Variants in SCD5 observed in about 807,000 individuals in gnomAD.
SCD5 encodes the protein stearoyl-CoA desaturase 5.
In SCD5, 20 loss-of-function variants were observed where a neutral mutation model predicts 30.4. The observed-to-expected ratio is 0.66, with a 90% CI of 0.46 to 0.96. SCD5 has a LOEUF of 0.96. SCD5 is among the 40% of genes least tolerant of loss of function. SCD5 has a pLI of 0.00. For synonymous variants in SCD5, 173 were observed against 176.4 expected, an observed-to-expected ratio of 0.98 and a Z score of 0.16; for missense variants, 381 against 443.3, an observed-to-expected ratio of 0.86 and a Z score of 1.26.
chr4:82,749,190 G>A (rs1721050937), intron 1 of SCD5, among the ~76,000 whole-genome samples: 2 of 152,218 alleles, frequency 1.3e-5, no homozygotes, highest in African/African-American at 2.4e-5. Context: ...ATGACAAGGG[G>A]CTCTGGATAG....
At chr4:82,690,600 C>T (rs545079133) in intron 2 of SCD5, among the ~76,000 whole-genome samples, 1 of 152,300 alleles carries the variant, frequency 6.6e-6, no homozygotes, top group Admixed American at 6.5e-5. Flanking sequence ...CTCCACAATA[C>T]ATTCGGCATA....
chr4:82,780,039 G>A (rs1053851478), intron 1 of SCD5, among the ~76,000 whole-genome samples: 1 of 152,182 alleles, frequency 6.6e-6, no homozygotes, highest in Non-Finnish European at 1.5e-5. Flanking sequence ...ACTTCATAGA[G>A]TTACTATGTG....
intron 2 of SCD5, among the ~76,000 whole-genome samples, chr4:82,695,551 A>G (rs1219110222): frequency 1.3e-5 from 2 of 152,206 alleles, no homozygotes; most frequent in Non-Finnish European, 1.5e-5. Context: ...GGAGAAGAAC[A>G]GAAGAACAGT....
chr4:82,794,027 C>A (rs1309762791), intron 1 of SCD5, among the ~76,000 whole-genome samples: 3 of 152,188 alleles, frequency 2.0e-5, no homozygotes, highest in Non-Finnish European at 4.4e-5. Context: ...CATCTTTGGG[C>A]AAATTTCAGA....
intron 1 of SCD5, among the ~76,000 whole-genome samples, chr4:82,787,794 T>C (rs1045246935): frequency 6.6e-6 from 1 of 152,160 alleles, no homozygotes; most frequent in Non-Finnish European, 1.5e-5. Flanking sequence ...TTTGGGAGGC[T>C]GAAGTGGAAG....
chr4:82,729,265 G>C (rs1720575256), intron 1 of SCD5, among the ~76,000 whole-genome samples: 1 of 152,198 alleles, frequency 6.6e-6, no homozygotes, highest in Non-Finnish European at 1.5e-5. Context: ...GGGATGGAAG[G>C]GTCGGGAAGG....
intron 1 of SCD5, among the ~76,000 whole-genome samples, chr4:82,777,677 A>G (rs1721772772): frequency 6.6e-6 from 1 of 152,206 alleles, no homozygotes; most frequent in African/African-American, 2.4e-5. Context: ...TAAATTATGT[A>G]GCTGGTCCTG....
rs1727445716 is a variant in SCD5 at position 82,636,932 on chromosome 4, A to C, written c.570-109T>G. ...AAAAGCCCAGGGAGAGAACTGTGCC[A>C]GTCAGCTCCTTCAACGCTTTCTATA... On this transcript the variant is annotated intron_variant, in intron 3 of 4. Coordinates refer to ENST00000319540, the MANE Select transcript of SCD5 (RefSeq NM_001037582.3). 3.8e-5 allele frequency: 34 copies of C among 885,134 alleles called. No homozygotes were observed. The South Asian group carries it at 5.2e-4, about 14-fold the overall frequency. 54.8% of individuals were successfully genotyped at this position (885,134 alleles called of 1,614,324 possible).
At chr4:82,692,958 G>C (rs1719594858) in intron 2 of SCD5, among the ~76,000 whole-genome samples, 1 of 152,186 alleles carries the variant, frequency 6.6e-6, no homozygotes, top group Non-Finnish European at 1.5e-5. Flanking sequence ...GGCAAGCCTT[G>C]AGGCTGGGGC....
At chr4:82,643,410 C>T (rs1727582461) in intron 3 of SCD5, among the ~76,000 whole-genome samples, 1 of 152,138 alleles carries the variant, frequency 6.6e-6, no homozygotes, top group African/African-American at 2.4e-5. Flanking sequence ...ATAAGATTTT[C>T]ATATATGCTG....
chr4:82,634,059 T>C (rs2148811130), intron 4 of SCD5, among the ~76,000 whole-genome samples: 1 of 152,360 alleles, frequency 6.6e-6, no homozygotes, highest in East Asian at 1.9e-4. Flanking sequence ...TCAAGGTTCA[T>C]TCATTTTGTA....
At chr4:82,670,269 G>C (rs898208756) in intron 3 of SCD5, among the ~76,000 whole-genome samples, 3 of 152,098 alleles carry the variant, frequency 2.0e-5, no homozygotes, top group Non-Finnish European at 4.4e-5. Context: ...AGACACAGTA[G>C]GTAGCATGCA....
chr4:82,695,921 T>G (rs1221669430), intron 2 of SCD5, among the ~76,000 whole-genome samples: 1 of 152,228 alleles, frequency 6.6e-6, no homozygotes, highest in East Asian at 1.9e-4. Flanking sequence ...GTGACACTTT[T>G]GAGCAATTTA....
At chr4:82,726,417 C>CAAAAAA (rs398051208) in intron 1 of SCD5, among the ~76,000 whole-genome samples, 2 of 108,826 alleles carry the variant, frequency 1.8e-5, no homozygotes, top group African/African-American at 6.4e-5. Flanking sequence ...AACTCTGTCT[C>CAAAAAA]AAAAAAAAAA....
At chr4:82,762,057 C>T (rs1721385318) in intron 1 of SCD5, among the ~76,000 whole-genome samples, 1 of 151,392 alleles carries the variant, frequency 6.6e-6, no homozygotes, top group African/African-American at 2.4e-5. Flanking sequence ...GCCTGTGGTC[C>T]CAGCTACATG....
intron 1 of SCD5, among the ~76,000 whole-genome samples, chr4:82,788,006 C>T (rs1007922745): frequency 5.3e-5 from 8 of 152,120 alleles, no homozygotes; most frequent in African/African-American, 1.7e-4. Context: ...CACTGTACTC[C>T]AGCCTAGGAG....
chr4:82,649,057 T>C (rs890904283), intron 3 of SCD5, among the ~76,000 whole-genome samples: 3 of 152,144 alleles, frequency 2.0e-5, no homozygotes, highest in Admixed American at 6.5e-5. Context: ...AATTACTAGA[T>C]AGCTGAGTAG....
At position 82,736,633 on chromosome 4, in the gene SCD5, G is replaced by A. The variant is rs1720758709; in HGVS notation, c.233-31220C>T. On this transcript the variant is annotated intron_variant, in intron 1 of 4. Transcript: ENST00000319540. Reference sequence around the variant, plus strand: ...CAAAAAAAAAAAATCATTCTTAATAGTAATATTATATTTCATTTTACAACA... The same window carrying A: ...CAAAAAAAAAAAATCATTCTTAATAATAATATTATATTTCATTTTACAACA... 2.0e-5 allele frequency among the ~76,000 whole-genome samples: 3 copies of A among 151,982 alleles called. No individual in the cohort carries two copies. In the South Asian group the frequency reaches 6.2e-4, roughly 32 times the overall value.
At chr4:82,663,408 G>A (rs11947382) in intron 3 of SCD5, among the ~76,000 whole-genome samples, 51,009 of 152,026 alleles carry the variant, frequency 0.34, 9,297 homozygotes, top group African/African-American at 0.48. Context: ...AGGAAGGTTG[G>A]GGACAGGGTA....
Sources: gnomAD v4.1 joint callset for allele counts (sites outside exome capture counted in the v4.1 genomes callset) on GRCh38, gnomAD v4.1.1 for gene constraint, MANE v1.5 for transcripts, NCBI Gene and HGNC (gene_info 2026-07-23, HGNC 2026-07-21) for gene names.